Variants in LUC7L observed in about 807,000 individuals in gnomAD.
LUC7L encodes the protein LUC7 like.
A neutral mutation model predicts 51.1 loss-of-function variants in LUC7L; 29 were observed. The ratio of observed to expected loss-of-function variants is 0.57; its 90% confidence interval spans 0.42 to 0.77. The LOEUF is 0.77. LUC7L is among the 30% of genes least tolerant of loss of function. The pLI, the probability that LUC7L is intolerant of heterozygous loss-of-function variation, is 0.00. For missense variants in LUC7L, 403 were observed against 511.9 expected, an observed-to-expected ratio of 0.79 and a Z score of 2.05; for synonymous variants, 181 against 180.7, an observed-to-expected ratio of 1.00 and a Z score of -0.01.
intron 4 of LUC7L, among the ~76,000 whole-genome samples, 196 bp from the exon 5 acceptor site, chr16:206,343 G>T (rs1007020642): frequency 3.3e-5 from 5 of 152,226 alleles, no homozygotes; most frequent in African/African-American, 1.2e-4. Flanking sequence ...AATGAAACCA[G>T]TGGCACCTTT....
At position 193,928 on chromosome 16, in the gene LUC7L, G is replaced by A. The variant is rs151114646; in HGVS notation, c.688-913C>T. ...ACGCCATTCTCCTGTCCTGGCCTCCGGAGTAGCTGGGATTACAGGCGCCCG... is the reference window on the plus strand; with the variant it reads ...ACGCCATTCTCCTGTCCTGGCCTCCAGAGTAGCTGGGATTACAGGCGCCCG... On this transcript the variant is annotated intron_variant, in intron 6 of 9. Transcript: ENST00000293872. Among the ~76,000 whole-genome samples the A allele has an allele frequency of 1.8e-3, 262 of 149,124 alleles. 1 individual carries two copies. The South Asian group carries it at 0.024, about 14-fold the overall frequency.
At chr16:203,762 A>T (rs1380570632) in intron 5 of LUC7L, among the ~76,000 whole-genome samples, 4 of 151,756 alleles carry the variant, frequency 2.6e-5, no homozygotes, top group African/African-American at 4.8e-5. Context: ...CACACCTGTA[A>T]TCCCAGCACT....
chr16:189,908 TG>T, intron 9 of LUC7L, 59 bp downstream of exon 9: 1 of 1,565,332 alleles, frequency 6.4e-7, no homozygotes, highest in Non-Finnish European at 8.7e-7. Context: ...CAGCAGACCC[TG>T]GGAACACAGA....
intron 8 of LUC7L, 64 bp from the exon 9 acceptor site, chr16:190,199 C>T (rs2048976726): frequency 7.2e-7 from 1 of 1,393,386 alleles, no homozygotes; most frequent in Non-Finnish European, 9.9e-7. Context: ...GGGCCCCACC[C>T]CTCAGCAGAT....
intron 3 of LUC7L, among the ~76,000 whole-genome samples, chr16:219,054 C>T (rs1187292776): frequency 1.3e-5 from 2 of 151,858 alleles, no homozygotes; most frequent in African/African-American, 2.4e-5. Flanking sequence ...GCCATCATCA[C>T]GCCACTGCCC....
intron 6 of LUC7L, among the ~76,000 whole-genome samples, chr16:197,987 G>C (rs1046105494): frequency 1.3e-5 from 2 of 152,026 alleles, no homozygotes; most frequent in African/African-American, 2.4e-5. Context: ...TTTAAATGTC[G>C]GCCGGGTGCG....
intron 3 of LUC7L, 43 bp downstream of exon 3, chr16:220,606 G>A: frequency 2.2e-6 from 3 of 1,394,352 alleles, no homozygotes; most frequent in Non-Finnish European, 3.0e-6. Flanking sequence ...TTCAATATTG[G>A]GTTCTTCGCA....
intron 3 of LUC7L, among the ~76,000 whole-genome samples, chr16:212,162 G>A (rs375111106): frequency 5.3e-5 from 8 of 152,260 alleles, no homozygotes; most frequent in East Asian, 1.9e-4. Context: ...GCGTGGTGGT[G>A]CATGCCTGTA....
At position 189,106 on chromosome 16, in the gene LUC7L, T is replaced by G; in HGVS notation, c.*92A>C. On this transcript the variant is annotated 3_prime_UTR_variant, in exon 10 of 10. Transcript: ENST00000293872. ...CTCCAAAACAATAGAAATTTTAAAC[T>G]ACAAAAGATGAGTTGTATTCAGCAA... 1 of 1,367,326 alleles carries G rather than the reference T, an allele frequency of 7.3e-7. No individual in the cohort carries two copies. Among genetic ancestry groups the G allele is most frequent in the East Asian group, 2.3e-5 (1 of 43,242 alleles). The allele number at this position is 1,367,326 out of a possible 1,614,324, so 84.7% of individuals were successfully genotyped here.
At chr16:220,508 T>G (rs1487428309) in intron 3 of LUC7L, 141 bp downstream of exon 3, 14 of 678,652 alleles carry the variant, frequency 2.1e-5, no homozygotes, top group African/African-American at 1.8e-4. Flanking sequence ...CTGGCTGTAT[T>G]CTAGCTCTGA....
rs184292328 is a variant in LUC7L at position 217,670 on chromosome 16, G to A, written c.255+2979C>T. On this transcript the variant is annotated intron_variant, in intron 3 of 9. Transcript: ENST00000293872. ...TGCAGTGGGCCGAGATCACACCACT[G>A]CACTACAGCCTGGGCAACAAGAGTG... 3.4e-3 allele frequency among the ~76,000 whole-genome samples: 510 copies of A among 150,494 alleles called. 1 individual carries two copies. The highest frequency in any genetic ancestry group is 0.024 in the Middle Eastern group (7 of 290).
chr16:205,060 T>C (rs1186832699), intron 5 of LUC7L, among the ~76,000 whole-genome samples: 1 of 152,236 alleles, frequency 6.6e-6, no homozygotes, highest in Admixed American at 6.5e-5. Flanking sequence ...ATTACAGTAG[T>C]ACAGTACCTA....
intron 6 of LUC7L, among the ~76,000 whole-genome samples, chr16:198,466 A>T (rs1339359263): frequency 6.6e-6 from 1 of 151,936 alleles, no homozygotes; most frequent in Non-Finnish European, 1.5e-5. Flanking sequence ...CCAACCAGAG[A>T]TTCTTTCTCA....
chr16:208,152 C>G lies in LUC7L; in HGVS notation c.292G>C (p.Asp98His), dbSNP rs761028811. Residue 98 changes from aspartate (D) to histidine (H), a missense_variant, in exon 4 of 10, where the codon GAT becomes CAT. By Grantham distance (81) the Asp-to-His change is moderately conservative. Transcript: ENST00000293872. Reference sequence around the variant, plus strand: ...TTCTTGGCGAGCTCAGTTCTCCGATCACATTCAGCAATAAAGGACTCCAAG... The same window carrying G: ...TTCTTGGCGAGCTCAGTTCTCCGATGACATTCAGCAATAAAGGACTCCAAG... The part of the protein sequence containing the change: ...DHLESFIAEC[D>H]RRTELAKKRL... The G allele has an allele frequency of 1.9e-6, 3 of 1,613,736 alleles. No individual in the cohort carries two copies.
chr16:196,094 T>C (rs2049140952), intron 6 of LUC7L, among the ~76,000 whole-genome samples: 1 of 151,230 alleles, frequency 6.6e-6, no homozygotes, highest in Admixed American at 6.6e-5. Flanking sequence ...AAATAAAAGA[T>C]TGCAGATATT....
At chr16:216,380 GTTTTTTTTTT>G (rs34292372) in intron 3 of LUC7L, among the ~76,000 whole-genome samples, 2 of 107,306 alleles carry the variant, frequency 1.9e-5, no homozygotes, top group African/African-American at 7.4e-5. Context: ...TCAAATAGTT[GTTTTTTTTTT>G]TTTTTTTTTT....
intron 3 of LUC7L, among the ~76,000 whole-genome samples, chr16:210,865 C>T (rs1265523297): frequency 6.6e-6 from 1 of 150,618 alleles, no homozygotes; most frequent in Non-Finnish European, 1.5e-5. Context: ...CCCTGGCTAA[C>T]ACAGTGAAAC....
At position 225,486 on chromosome 16, in the gene LUC7L, C is replaced by CTTT. The variant is rs1172177139; in HGVS notation, c.156+1753_156+1755dup. Among the ~76,000 whole-genome samples, 85 of 99,440 alleles carry CTTT rather than the reference C, an allele frequency of 8.5e-4. 1 individual carries two copies. The highest frequency in any genetic ancestry group is 2.6e-3 in the African/African-American group (69 of 26,278). 65.2% of individuals were successfully genotyped at this position (99,440 alleles called of 152,430 possible). ...GGGCAACAAGAGCGAAACTCCGTCT[C>CTTT]TTTTTTTTTTTTTTTTTGAGACAGA... On this transcript the variant is annotated intron_variant, in intron 2 of 9. Transcript: ENST00000293872.
intron 2 of LUC7L, among the ~76,000 whole-genome samples, chr16:223,709 G>A (rs925912820): frequency 6.7e-6 from 1 of 149,964 alleles, no homozygotes; most frequent in Non-Finnish European, 1.5e-5. Flanking sequence ...TCACTCTGTC[G>A]CCCAGGCTGG....
Sources: allele counts gnomAD v4.1 joint callset (sites outside exome capture counted in the v4.1 genomes callset), GRCh38; gene constraint gnomAD v4.1.1; transcripts MANE v1.5; gene names NCBI Gene and HGNC (gene_info 2026-07-23, HGNC 2026-07-21).